The following HDAC8 variants were observed in gnomAD, a reference collection of about 807,000 sequenced individuals.
HDAC8 encodes histone deacetylase 8, also known as histone deacetylase-like 1.
A neutral mutation model predicts 32.2 loss-of-function variants in HDAC8; 1 was observed. The observed-to-expected ratio is 0.03, with a 90% CI of 0.01 to 0.15. The LOEUF (loss-of-function observed/expected upper bound fraction) is 0.15. Among genes scored for constraint, HDAC8 ranks in the 10% least tolerant of loss-of-function variants. The probability of loss-of-function intolerance (pLI) is 1.00; values close to 1 mark genes in which losing one functional copy is unlikely to be tolerated. For synonymous variants in HDAC8, 108 were observed against 113.9 expected (o/e 0.95, Z 0.33); for missense variants, 117 against 300.0 (o/e 0.39, Z 4.51).
At chrX:72,548,997 G>C (rs782318853) in intron 4 of HDAC8, among the ~76,000 whole-genome samples, 1 of 111,933 alleles carries the variant, frequency 8.9e-6, no homozygotes, top group African/African-American at 3.2e-5. Flanking sequence ...CTGTACATCT[G>C]TTTATGTACT....
At chrX:72,422,619 C>T (rs1555974057) in intron 9 of HDAC8, among the ~76,000 whole-genome samples, 1 of 111,855 alleles carries the variant, frequency 8.9e-6, no homozygotes, top group African/African-American at 3.2e-5. Flanking sequence ...TTTGTTTGCC[C>T]TAATTTCCCA....
Position 72,548,418 on chromosome X carries a change from T to C in HDAC8, c.437+19471A>G, listed in dbSNP as rs912644952. Among the ~76,000 whole-genome samples the C allele has an allele frequency of 4.5e-5, 5 of 112,206 alleles. 1 individual carries two copies. The Admixed American group carries it at 4.7e-4, about 11-fold the overall frequency. Reference sequence around the variant, plus strand: ...TTTATACCTTAACCCTCCAGCAATATTGAGCTATGTGTAGTTTCTCAAATC... The same window carrying C: ...TTTATACCTTAACCCTCCAGCAATACTGAGCTATGTGTAGTTTCTCAAATC... On this transcript the variant is annotated intron_variant, in intron 4 of 10. Coordinates refer to ENST00000373573, the MANE Select transcript of HDAC8 (RefSeq NM_018486.3).
Position 72,329,706 on chromosome X carries a change from G to A in HDAC8, c.*348C>T. On this transcript the variant is annotated 3_prime_UTR_variant, in exon 11 of 11. Coordinates refer to ENST00000373573, the MANE Select transcript of HDAC8 (RefSeq NM_018486.3). ...ACAAACTGGTGACTGCTCTCATCCA[G>A]CTTCTGATCTGTTTCATTTAAGATG... 1 of 1,186,615 alleles carries A rather than the reference G, an allele frequency of 8.4e-7. No individual in the cohort carries two copies. The highest frequency in any genetic ancestry group is 1.1e-6 in the Non-Finnish European group (1 of 882,648).
chrX:72,440,873 G>T lies in HDAC8; in HGVS notation c.1005+21131C>A, dbSNP rs138406416. ...ATGGGCTTAAAAAACGGCGCACCAG[G>T]ACATTATATCCCGCACCTGGCTTGG... On this transcript the variant is annotated intron_variant, in intron 9 of 10. Transcript: ENST00000373573. Among the ~76,000 whole-genome samples the T allele has an allele frequency of 2.2e-4, 25 of 112,771 alleles. 1 individual carries two copies. In the East Asian group the frequency reaches 7.0e-3, roughly 32 times the overall value.
At chrX:72,508,907 C>T (rs1056221339) in intron 4 of HDAC8, among the ~76,000 whole-genome samples, 5 of 111,810 alleles carry the variant, frequency 4.5e-5, no homozygotes, top group Non-Finnish European at 7.5e-5. Context: ...AACAAAGAAA[C>T]GTATGATTGA....
chrX:72,365,479 C>A (rs2044671208), intron 9 of HDAC8, among the ~76,000 whole-genome samples: 1 of 111,137 alleles, frequency 9.0e-6, no homozygotes, highest in South Asian at 3.8e-4. Flanking sequence ...AGTGGGAATT[C>A]TTAATTCTGA....
intron 4 of HDAC8, 44 bp downstream of exon 4, chrX:72,567,845 T>C (rs782530545): frequency 9.9e-6 from 12 of 1,210,327 alleles, no homozygotes; most frequent in Non-Finnish European, 1.1e-5. Flanking sequence ...ACTGAGAAAC[T>C]GACTCAAGGA....
At chrX:72,420,946 T>A (rs1490580239) in intron 9 of HDAC8, among the ~76,000 whole-genome samples, 2 of 111,465 alleles carry the variant, frequency 1.8e-5, no homozygotes, top group African/African-American at 6.5e-5. Context: ...CACTTTCATC[T>A]ATTTACATTT....
chrX:72,408,780 G>A (rs781945501), intron 9 of HDAC8, among the ~76,000 whole-genome samples: 2 of 111,752 alleles, frequency 1.8e-5, no homozygotes, highest in South Asian at 7.6e-4. Context: ...GTATGTTCCA[G>A]AGACAGCAAG....
Position 72,554,634 on chromosome X carries a change from C to T in HDAC8, c.437+13255G>A, listed in dbSNP as rs1265089133. ...GGCTTTCCCTCACTTTCCTGGAGAC[C>T]TGTATGACTCAGCAGAGGCAGCCAT... On this transcript the variant is annotated intron_variant, in intron 4 of 10. Transcript: ENST00000373573. 5.4e-5 allele frequency among the ~76,000 whole-genome samples: 6 copies of T among 111,730 alleles called. No homozygotes were observed. In the East Asian group the frequency reaches 1.7e-3, roughly 32 times the overall value.
chrX:72,384,246 C>A (rs1489883548), intron 9 of HDAC8, among the ~76,000 whole-genome samples: 4 of 112,000 alleles, frequency 3.6e-5, no homozygotes, highest in African/African-American at 6.5e-5. Flanking sequence ...TTTAGGGACA[C>A]CACAACTTTG....
chrX:72,555,125 G>T (rs2051239383), intron 4 of HDAC8, among the ~76,000 whole-genome samples: 2 of 112,132 alleles, frequency 1.8e-5, no homozygotes, highest in Non-Finnish European at 3.8e-5. Flanking sequence ...AGCTCTGCTG[G>T]GTGGCTAGAC....
intron 9 of HDAC8, among the ~76,000 whole-genome samples, chrX:72,371,766 A>C (rs1206638382): frequency 8.9e-6 from 1 of 112,066 alleles, no homozygotes; most frequent in Non-Finnish European, 1.9e-5. Context: ...TTATTTAAGA[A>C]TACTTATTGA....
intron 10 of HDAC8, among the ~76,000 whole-genome samples, chrX:72,344,113 T>A (rs1173314400): frequency 9.0e-6 from 1 of 111,547 alleles, no homozygotes; most frequent in Non-Finnish European, 1.9e-5. Flanking sequence ...GCCCTTCTTC[T>A]CCCCAGGGTG....
chrX:72,461,945 G>T, intron 9 of HDAC8, 59 bp downstream of exon 9: 1 of 889,126 alleles, frequency 1.1e-6, no homozygotes. Flanking sequence ...ATTTTGATTA[G>T]GTGGAATGAC....
intron 9 of HDAC8, among the ~76,000 whole-genome samples, chrX:72,373,717 A>G (rs151241757): frequency 0.013 from 1,402 of 112,136 alleles, 16 homozygotes; most frequent in Non-Finnish European, 0.019. Flanking sequence ...ATACCTAGGA[A>G]TAGAATTTCT....
Position 72,485,471 on chromosome X carries a change from C to T in HDAC8, c.737+3462G>A, listed in dbSNP as rs1305983635. On this transcript the variant is annotated intron_variant, in intron 7 of 10. Transcript: ENST00000373573. ...TGAAGGGGGTATGTTCAAGCTTAAA[C>T]TAAAACCATTAAGTTCCTGCCTGAC... Among the ~76,000 whole-genome samples the T allele has an allele frequency of 2.7e-5, 3 of 110,903 alleles. 1 individual carries two copies. Among genetic ancestry groups the T allele is most frequent in the Non-Finnish European group, 5.7e-5 (3 of 52,995 alleles).
chrX:72,482,265 GA>G (rs1304359222), intron 7 of HDAC8, among the ~76,000 whole-genome samples: 1 of 111,644 alleles, frequency 9.0e-6, no homozygotes, highest in Non-Finnish European at 1.9e-5. Flanking sequence ...ACAACCACAT[GA>G]AAAAGATGTA....
At position 72,409,044 on chromosome X, in the gene HDAC8, C is replaced by T. The variant is rs1156395309; in HGVS notation, c.1005+52960G>A. Among the ~76,000 whole-genome samples, 4 of 112,263 alleles carry T rather than the reference C, an allele frequency of 3.6e-5. No individual in the cohort carries two copies. In the South Asian group the frequency reaches 1.5e-3, roughly 42 times the overall value. On this transcript the variant is annotated intron_variant, in intron 9 of 10. Transcript: ENST00000373573. ...GACTTCCTTCTGAGAACCACACTTT[C>T]ACATTCATTTGCTTTTGAACTTTTC...
Sources: gnomAD v4.1 joint callset for allele counts (sites outside exome capture counted in the v4.1 genomes callset) on GRCh38, gnomAD v4.1.1 for gene constraint, MANE v1.5 for transcripts, NCBI Gene and HGNC (gene_info 2026-07-23, HGNC 2026-07-21) for gene names.